The following GPR176 variants were observed in gnomAD, a reference collection of about 807,000 sequenced individuals.
GPR176 encodes G-protein coupled receptor 176.
GPR176 carries 26 observed loss-of-function variants against 35.4 expected under a neutral mutation model. The observed-to-expected ratio is 0.74, with a 90% CI of 0.54 to 1.02. The LOEUF is 1.02. Among genes scored for constraint, GPR176 ranks in the 50% least tolerant of loss-of-function variants. The pLI is 0.00. For missense variants in GPR176, 597 were observed against 665.3 expected (o/e 0.90, Z 1.13); for synonymous variants, 278 against 271.3 (o/e 1.02, Z -0.24).
chr15:39,888,230 G>C (rs1025478736), intron 1 of GPR176, among the ~76,000 whole-genome samples: 1 of 151,922 alleles, frequency 6.6e-6, no homozygotes, highest in African/African-American at 2.4e-5. Flanking sequence ...TTAACTTCTT[G>C]CTTTTCTCTT....
At chr15:39,879,486 C>A (rs148118566) in intron 1 of GPR176, among the ~76,000 whole-genome samples, 17 of 152,344 alleles carry the variant, frequency 1.1e-4, no homozygotes, top group Admixed American at 9.2e-4. Flanking sequence ...CACTTCACAT[C>A]CTTGTCATAT....
chr15:39,906,220 T>G (rs893873072), intron 1 of GPR176, among the ~76,000 whole-genome samples: 1 of 152,228 alleles, frequency 6.6e-6, no homozygotes, highest in Admixed American at 6.5e-5. Flanking sequence ...GTTTTCAACC[T>G]AATTTTTGCA....
chr15:39,834,811 T>C (rs1389820762), intron 1 of GPR176, among the ~76,000 whole-genome samples: 2 of 151,884 alleles, frequency 1.3e-5, no homozygotes, highest in Non-Finnish European at 2.9e-5. Flanking sequence ...TGAGGAAAAG[T>C]GGGGATAATT....
intron 1 of GPR176, among the ~76,000 whole-genome samples, chr15:39,908,174 C>A (rs937694409): frequency 6.6e-6 from 1 of 152,200 alleles, no homozygotes; most frequent in Non-Finnish European, 1.5e-5. Flanking sequence ...TTCTTTACAT[C>A]CCTGGGCTCT....
intron 1 of GPR176, among the ~76,000 whole-genome samples, chr15:39,844,428 T>A (rs903281465): frequency 6.6e-6 from 1 of 152,080 alleles, no homozygotes; most frequent in South Asian, 2.1e-4. Context: ...TAGCTATTCA[T>A]CTACCCCAGA....
chr15:39,902,414 A>G (rs1219205192), intron 1 of GPR176, among the ~76,000 whole-genome samples: 1 of 152,220 alleles, frequency 6.6e-6, no homozygotes, highest in Non-Finnish European at 1.5e-5. Context: ...GAATAATAGC[A>G]TCCTGCAGAG....
intron 1 of GPR176, among the ~76,000 whole-genome samples, chr15:39,841,147 T>C (rs190910180): frequency 6.6e-6 from 1 of 152,218 alleles, no homozygotes; most frequent in Non-Finnish European, 1.5e-5. Context: ...CACTTATAAC[T>C]AGATTGTGAA....
At chr15:39,917,593 C>T (rs904694084) in intron 1 of GPR176, among the ~76,000 whole-genome samples, 5 of 151,934 alleles carry the variant, frequency 3.3e-5, no homozygotes, top group African/African-American at 1.2e-4. Flanking sequence ...ACCTCGGCCT[C>T]CCAAAGTGTT....
At chr15:39,885,195 A>G (rs2032627010) in intron 1 of GPR176, among the ~76,000 whole-genome samples, 1 of 152,192 alleles carries the variant, frequency 6.6e-6, no homozygotes, top group Non-Finnish European at 1.5e-5. Context: ...ACAACCTCAA[A>G]GAGCATTTGA....
At chr15:39,850,540 G>T (rs958886248) in intron 1 of GPR176, among the ~76,000 whole-genome samples, 2 of 152,182 alleles carry the variant, frequency 1.3e-5, no homozygotes, top group Non-Finnish European at 2.9e-5. Context: ...CAGATTGGTG[G>T]TTGCTAGGGG....
At position 39,920,185 on chromosome 15, in the gene GPR176, G is replaced by A. The variant is rs2033840914; in HGVS notation, c.-159C>T. 3 of 445,742 alleles carry A rather than the reference G, an allele frequency of 6.7e-6. No homozygotes were observed. The highest frequency in any genetic ancestry group is 9.5e-5 in the South Asian group (1 of 10,546). 27.6% of individuals were successfully genotyped at this position (445,742 alleles called of 1,614,324 possible). A position where few individuals can be genotyped will look rare whatever the true frequency, so the allele number is the denominator to read the frequency against. ...CTCACGTCTCCACATCGCCAACCCC[G>A]GCGCCCGGGAGGCGGGGAGGGAGGG... On this transcript the variant is annotated 5_prime_UTR_variant, in exon 1 of 3. Transcript: ENST00000561100.
intron 2 of GPR176, among the ~76,000 whole-genome samples, chr15:39,805,254 T>G (rs1899117972): frequency 6.6e-6 from 1 of 152,120 alleles, no homozygotes; most frequent in Non-Finnish European, 1.5e-5. Flanking sequence ...CTGACTTCAC[T>G]CTTATATTCC....
intron 1 of GPR176, among the ~76,000 whole-genome samples, chr15:39,914,463 A>G (rs2033671047): frequency 3.3e-5 from 5 of 151,840 alleles, no homozygotes; most frequent in Admixed American, 3.3e-4. Flanking sequence ...ATAGGCGCCT[A>G]CCACCATGCC....
intron 1 of GPR176, among the ~76,000 whole-genome samples, chr15:39,895,057 G>A (rs572983967): frequency 9.2e-5 from 14 of 152,310 alleles, no homozygotes; most frequent in African/African-American, 2.9e-4. Flanking sequence ...AGCGAAACCC[G>A]GTCTCCACCA....
intron 1 of GPR176, among the ~76,000 whole-genome samples, chr15:39,855,113 C>T (rs974972742): frequency 6.6e-6 from 1 of 151,710 alleles, no homozygotes; most frequent in African/African-American, 2.4e-5. Flanking sequence ...CCCAAAGGGT[C>T]TTATTATGCC....
chr15:39,905,349 G>A (rs1038043589), intron 1 of GPR176, among the ~76,000 whole-genome samples: 3 of 151,558 alleles, frequency 2.0e-5, no homozygotes, highest in Non-Finnish European at 4.4e-5. Flanking sequence ...AGTGGCTCAC[G>A]CCTGTAATCC....
At chr15:39,869,743 A>G (rs757312353) in intron 1 of GPR176, among the ~76,000 whole-genome samples, 9 of 152,094 alleles carry the variant, frequency 5.9e-5, no homozygotes, top group Non-Finnish European at 1.0e-4. Flanking sequence ...CTTTACCCCA[A>G]TCACATTTGA....
At chr15:39,823,850 G>A (rs140698178) in intron 1 of GPR176, among the ~76,000 whole-genome samples, 4 of 152,302 alleles carry the variant, frequency 2.6e-5, no homozygotes, top group African/African-American at 7.2e-5. Context: ...CTATCCTACG[G>A]ACAAGGGAGA....
intron 1 of GPR176, among the ~76,000 whole-genome samples, chr15:39,843,017 C>T (rs747934956): frequency 1.6e-4 from 24 of 151,738 alleles, no homozygotes; most frequent in Non-Finnish European, 1.6e-4. Context: ...ACCAACAACA[C>T]TAAAAGCAGC....
Sources: gnomAD v4.1 joint callset for allele counts (sites outside exome capture counted in the v4.1 genomes callset) on GRCh38, gnomAD v4.1.1 for gene constraint, MANE v1.5 for transcripts, NCBI Gene and HGNC (gene_info 2026-07-23, HGNC 2026-07-21) for gene names.